ATG4C: variants seen among roughly 807,000 people sequenced by gnomAD.
ATG4C encodes autophagy related 4C cysteine peptidase, also known as cysteine protease ATG4C.
A neutral mutation model predicts 57.6 loss-of-function variants in ATG4C; 56 were observed. The observed-to-expected ratio is 0.97, with a 90% CI of 0.78 to 1.21. The LOEUF (loss-of-function observed/expected upper bound fraction) is 1.21. Ranked by LOEUF, ATG4C falls within the 50% of genes most tolerant of loss-of-function variation. The pLI is 0.00. For missense variants in ATG4C, 595 were observed against 529.8 expected (o/e 1.12, Z -1.21); for synonymous variants, 157 against 174.1 (o/e 0.90, Z 0.78).
rs147206700 is a variant in ATG4C at position 62,814,979 on chromosome 1, C to T, written c.161-1596C>T. On this transcript the variant is annotated intron_variant, in intron 3 of 10. Transcript: ENST00000317868. The stretch of plus-strand genomic sequence containing the variant: ...ACTCAGGAGGCTGAGGCACAAGAAT[C>T]GCTTTAACCCTGGAGGCAGAGATTG... 3.6e-3 allele frequency among the ~76,000 whole-genome samples: 545 copies of T among 152,236 alleles called. 7 individuals carry two copies. In the South Asian group the frequency reaches 0.05, roughly 14 times the overall value.
At chr1:62,850,750 G>A (rs537845472) in intron 10 of ATG4C, among the ~76,000 whole-genome samples, 30 of 150,908 alleles carry the variant, frequency 2.0e-4, no homozygotes, top group South Asian at 6.3e-4. Context: ...TTTATACTTC[G>A]TAATTGCCTT....
chr1:62,784,593 C>A (rs557087930), intron 1 of ATG4C, among the ~76,000 whole-genome samples: 20 of 152,226 alleles, frequency 1.3e-4, no homozygotes, highest in African/African-American at 4.8e-4. Context: ...CATTTGACCC[C>A]TCCTCATGCC....
intron 1 of ATG4C, among the ~76,000 whole-genome samples, chr1:62,803,056 C>T (rs1340352355): frequency 1.3e-5 from 2 of 152,140 alleles, no homozygotes; most frequent in African/African-American, 2.4e-5. Flanking sequence ...GAGATTATAT[C>T]ACACATCTCA....
At chr1:62,810,551 C>G (rs1665048749) in intron 3 of ATG4C, among the ~76,000 whole-genome samples, 1 of 152,136 alleles carries the variant, frequency 6.6e-6, no homozygotes, top group Non-Finnish European at 1.5e-5. Context: ...ATTGTCGTGA[C>G]ATTGGCCAGT....
chr1:62,844,883 T>C lies in ATG4C; in HGVS notation c.1209+3336T>C, dbSNP rs1666282013. ...TTTTATTTAACAGTGAGTTAGAGAT[T>C]ATCTATGTAACCGTACATGTTGATC... On this transcript the variant is annotated intron_variant, in intron 10 of 10. Transcript: ENST00000317868. Among the ~76,000 whole-genome samples, 5 of 152,230 alleles carry C rather than the reference T, an allele frequency of 3.3e-5. No individual in the cohort carries two copies. In the South Asian group the frequency reaches 1.0e-3, roughly 32 times the overall value.
intron 5 of ATG4C, among the ~76,000 whole-genome samples, chr1:62,820,218 C>T (rs1056924419): frequency 3.9e-5 from 6 of 151,968 alleles, no homozygotes; most frequent in Non-Finnish European, 7.4e-5. Flanking sequence ...ATAGTTTCTA[C>T]CCTTCAAGAT....
chr1:62,842,642 A>T (rs1666207878), intron 10 of ATG4C, among the ~76,000 whole-genome samples: 1 of 152,184 alleles, frequency 6.6e-6, no homozygotes, highest in African/African-American at 2.4e-5. Flanking sequence ...TATTTTTACA[A>T]TGTAAAAATG....
rs1664001188 is a variant in ATG4C at position 62,784,150 on chromosome 1, G to C, written c.-192G>C. 1 of 152,904 alleles carries C rather than the reference G, an allele frequency of 6.5e-6. No individual in the cohort carries two copies. The highest frequency in any genetic ancestry group is 6.5e-5 in the Admixed American group (1 of 15,290). The allele number at this position is 152,904 out of a possible 1,614,324, so 9.5% of individuals were successfully genotyped here. A position where few individuals can be genotyped will look rare whatever the true frequency, so the allele number is the denominator to read the frequency against. On this transcript the variant is annotated 5_prime_UTR_variant, in exon 1 of 11. Transcript: ENST00000317868. ...GGTGCTCAAAGTACCTGTAGCTGCG[G>C]CGCTGAGGTCGGAACGTCTGCGTGT... is the stretch of plus-strand genomic sequence containing the variant.
At chr1:62,815,178 A>T (rs1255562613) in intron 3 of ATG4C, among the ~76,000 whole-genome samples, 1 of 140,832 alleles carries the variant, frequency 7.1e-6, no homozygotes, top group Non-Finnish European at 1.6e-5. Flanking sequence ...CTATTTGTTA[A>T]ATCTTTTTTT....
At chr1:62,830,333 C>T (rs933859881) in intron 7 of ATG4C, among the ~76,000 whole-genome samples, 5 of 152,022 alleles carry the variant, frequency 3.3e-5, no homozygotes, top group African/African-American at 9.7e-5. Flanking sequence ...GGTTTTGAGA[C>T]TTCTGACATG....
chr1:62,804,546 A>G (rs1294769231), intron 2 of ATG4C, among the ~76,000 whole-genome samples: 3 of 152,104 alleles, frequency 2.0e-5, no homozygotes, highest in Non-Finnish European at 4.4e-5. Flanking sequence ...TCTCTGTGCC[A>G]GGAAATAAGC....
In ATG4C at chr1:62,863,472, G is replaced by A. The variant is rs1050798810; in HGVS notation, c.1210-520G>A. ...TACACTTGATCTTAGCCAAAAAGCCGAGCAGTGATTACCCTGTTTTATAGA... is the reference window on the plus strand; with the variant it reads ...TACACTTGATCTTAGCCAAAAAGCCAAGCAGTGATTACCCTGTTTTATAGA... On this transcript the variant is annotated intron_variant, in intron 10 of 10. Transcript: ENST00000317868. Among the ~76,000 whole-genome samples, 5 of 151,914 alleles carry A rather than the reference G, an allele frequency of 3.3e-5. No individual in the cohort carries two copies. In the East Asian group the frequency reaches 5.8e-4, roughly 18 times the overall value.
chr1:62,845,331 C>T (rs1454503693), intron 10 of ATG4C, among the ~76,000 whole-genome samples: 6 of 151,976 alleles, frequency 3.9e-5, no homozygotes, highest in Non-Finnish European at 8.8e-5. Context: ...ATTTATATTT[C>T]CCTGATTGAT....
intron 5 of ATG4C, among the ~76,000 whole-genome samples, chr1:62,820,178 T>C (rs367680369): frequency 2.0e-4 from 30 of 152,214 alleles, no homozygotes; most frequent in East Asian, 1.9e-3. Context: ...CAACTTGGTA[T>C]GACATTTATA....
intron 1 of ATG4C, among the ~76,000 whole-genome samples, chr1:62,798,650 T>G (rs1664552107): frequency 1.4e-5 from 2 of 144,658 alleles, no homozygotes; most frequent in South Asian, 4.4e-4. Context: ...TTAATATTTG[T>G]TTTTTTTTTT....
Position 62,814,460 on chromosome 1 carries a change from G to C in ATG4C, c.161-2115G>C, listed in dbSNP as rs191601234. 8.3e-3 allele frequency among the ~76,000 whole-genome samples: 1,265 copies of C among 152,254 alleles called. 37 individuals carry two copies. Among genetic ancestry groups the C allele is most frequent in the African/African-American group, 0.028 (1,183 of 41,526 alleles). ...GGGCCTGTCAGTGGGTGGGGGACTA[G>C]GGGAGGGATAGCATTAGGAGAAATA... On this transcript the variant is annotated intron_variant, in intron 3 of 10. Coordinates refer to ENST00000317868, the MANE Select transcript of ATG4C (RefSeq NM_032852.4).
chr1:62,807,976 T>C (rs760352667), intron 3 of ATG4C, among the ~76,000 whole-genome samples: 1 of 152,220 alleles, frequency 6.6e-6, no homozygotes, highest in South Asian at 2.1e-4. Context: ...TAGTTCATGA[T>C]TGAAGTATAG....
At position 62,805,714 on chromosome 1, in the gene ATG4C, C is replaced by T. The variant is rs191439524; in HGVS notation, c.160+459C>T. On this transcript the variant is annotated intron_variant, in intron 3 of 10. Transcript: ENST00000317868. ...ATAATTCATGTCACTCATTGGGTGC[C>T]GGGCACCATGCTGGGCTCTTTAGGA... is the stretch of plus-strand genomic sequence containing the variant. 2.3e-3 allele frequency among the ~76,000 whole-genome samples: 347 copies of T among 152,032 alleles called. 1 individual carries two copies. The highest frequency in any genetic ancestry group is 7.5e-3 in the African/African-American group (312 of 41,478).
At chr1:62,809,322 CATG>C (rs1366694832) in intron 3 of ATG4C, among the ~76,000 whole-genome samples, 3 of 150,208 alleles carry the variant, frequency 2.0e-5, no homozygotes, top group African/African-American at 4.9e-5. Context: ...AAAATATCCA[CATG>C]ATATTTATAC....
Sources: gnomAD v4.1 joint callset for allele counts (sites outside exome capture counted in the v4.1 genomes callset) on GRCh38, gnomAD v4.1.1 for gene constraint, MANE v1.5 for transcripts, NCBI Gene and HGNC (gene_info 2026-07-23, HGNC 2026-07-21) for gene names.